CACNA1C: variants seen among roughly 807,000 people sequenced by gnomAD.
The protein encoded by CACNA1C is voltage-dependent L-type calcium channel subunit alpha-1C.
In CACNA1C, 30 loss-of-function variants were observed where a neutral mutation model predicts 229.0. That is an observed-to-expected ratio of 0.13 (90% confidence interval 0.10 to 0.18). The LOEUF is 0.18. Among genes scored for constraint, CACNA1C ranks in the 10% least tolerant of loss-of-function variants. CACNA1C has a pLI of 1.00. For synonymous variants in CACNA1C, 1,114 were observed against 1,132.5 expected, an observed-to-expected ratio of 0.98 and a Z score of 0.33; for missense variants, 1,658 against 2,845.0, an observed-to-expected ratio of 0.58 and a Z score of 9.49.
At chr12:2,688,825 A>G in intron 46 of CACNA1C, 46 bp downstream of exon 46, 6 of 1,399,590 alleles carry the variant, frequency 4.3e-6, no homozygotes, top group South Asian at 2.9e-5. Context: ...ACGGGCAACA[A>G]GGGGACTTGG....
At chr12:2,246,542 A>G (rs1234376391) in intron 3 of CACNA1C, among the ~76,000 whole-genome samples, 1 of 152,054 alleles carries the variant, frequency 6.6e-6, no homozygotes, top group Non-Finnish European at 1.5e-5. Flanking sequence ...TAACTGCTGG[A>G]CCCATGACGA....
At chr12:2,226,840 G>A (rs1171986564) in intron 3 of CACNA1C, among the ~76,000 whole-genome samples, 1 of 152,232 alleles carries the variant, frequency 6.6e-6, no homozygotes, top group African/African-American at 2.4e-5. Flanking sequence ...AAGGGCTCTT[G>A]AAAAATAGCC....
intron 9 of CACNA1C, among the ~76,000 whole-genome samples, chr12:2,533,030 G>A (rs1201384946): frequency 6.6e-6 from 1 of 152,218 alleles, no homozygotes; most frequent in East Asian, 1.9e-4. Flanking sequence ...AGAAATTACA[G>A]AATAGTTCTA....
chr12:2,253,645 A>G (rs1364077686), intron 3 of CACNA1C, among the ~76,000 whole-genome samples: 1 of 152,338 alleles, frequency 6.6e-6, no homozygotes, highest in Non-Finnish European at 1.5e-5. Context: ...CCTTCCTCGC[A>G]GGAGGGTGTT....
intron 3 of CACNA1C, among the ~76,000 whole-genome samples, chr12:2,283,037 A>G (rs1397367919): frequency 6.7e-6 from 1 of 149,714 alleles, no homozygotes; most frequent in East Asian, 1.9e-4. Flanking sequence ...TTTTTTTTAC[A>G]TAAAACAGAG....
At chr12:2,614,211 C>T (rs1258338409) in intron 29 of CACNA1C, 1 of 152,188 alleles carries the variant, frequency 6.6e-6, no homozygotes, top group African/African-American at 2.4e-5. Flanking sequence ...TTCCTCTGTC[C>T]CTGGTTTTCT....
intron 3 of CACNA1C, among the ~76,000 whole-genome samples, chr12:2,314,266 A>G (rs1030265410): frequency 6.6e-6 from 1 of 152,196 alleles, no homozygotes; most frequent in African/African-American, 2.4e-5. Context: ...AGCGGAGGCT[A>G]CCCAGGATAA....
intron 1 of CACNA1C, among the ~76,000 whole-genome samples, chr12:1,994,995 T>G (rs924110548): frequency 1.3e-5 from 2 of 150,418 alleles, no homozygotes; most frequent in African/African-American, 4.9e-5. Flanking sequence ...GGGAGGTTTT[T>G]GTTTTGCAGG....
rs1483101798 is a variant in CACNA1C, at chr12:2,566,407, C to G, written c.1509-15C>G. 6.3e-7 allele frequency: 1 copy of G among 1,578,158 alleles called. No individual in the cohort carries two copies. Among genetic ancestry groups the G allele is most frequent in the Non-Finnish European group, 8.6e-7 (1 of 1,161,616 alleles). On this transcript the variant is annotated splice_polypyrimidine_tract_variant and intron_variant, in intron 11 of 46. Transcript: ENST00000399655. The surrounding 1 kb of genome is among the most constrained non-coding windows in gnomAD (Gnocchi z 4.0). Reference sequence around the variant, plus strand: ...CACAGCCAACCCCACCCTTCTCTCCCTGTCCCCTTTCCAGCCGCTACTGGC... The same window carrying G: ...CACAGCCAACCCCACCCTTCTCTCCGTGTCCCCTTTCCAGCCGCTACTGGC...
At chr12:2,293,772 A>G (rs138561349) in intron 3 of CACNA1C, among the ~76,000 whole-genome samples, 1 of 152,210 alleles carries the variant, frequency 6.6e-6, no homozygotes, top group Admixed American at 6.5e-5. Context: ...AAACCATATT[A>G]TACTCTTATC....
chr12:2,463,162 G>A (rs911913282), intron 5 of CACNA1C, among the ~76,000 whole-genome samples: 12 of 152,158 alleles, frequency 7.9e-5, no homozygotes, highest in Middle Eastern at 3.2e-3. Context: ...GCCCGCCTCA[G>A]CCTCCCAAAG....
chr12:2,292,187 G>T (rs2093583643), intron 3 of CACNA1C, among the ~76,000 whole-genome samples: 1 of 152,212 alleles, frequency 6.6e-6, no homozygotes, highest in African/African-American at 2.4e-5. Flanking sequence ...TCCTTAAGAG[G>T]TTGAGAGTTT....
chr12:2,408,575 G>A (rs939950074), intron 3 of CACNA1C, among the ~76,000 whole-genome samples: 3 of 151,274 alleles, frequency 2.0e-5, no homozygotes, highest in African/African-American at 7.3e-5. Flanking sequence ...TTATTCCTCA[G>A]GTCCTGGGGT....
chr12:2,593,182 G>T (rs748432301), intron 18 of CACNA1C, 31 bp from the exon 19 acceptor site: 1 of 1,603,546 alleles, frequency 6.2e-7, no homozygotes, highest in Admixed American at 1.7e-5. Flanking sequence ...GAGTGCTGGA[G>T]TTATTTAGAA....
At chr12:2,158,530 GA>G (rs959176106) in intron 3 of CACNA1C, among the ~76,000 whole-genome samples, 3 of 150,984 alleles carry the variant, frequency 2.0e-5, no homozygotes, top group African/African-American at 4.9e-5. Context: ...CTGTCTCAAA[GA>G]AAAAAAAAGT....
At chr12:2,244,664 G>C (rs1162592928) in intron 3 of CACNA1C, among the ~76,000 whole-genome samples, 1 of 152,214 alleles carries the variant, frequency 6.6e-6, no homozygotes, top group Non-Finnish European at 1.5e-5. Context: ...CCTTCCTAGA[G>C]CAGAGCCATC....
chr12:2,603,895 A>G (rs1170440639), intron 22 of CACNA1C: 1 of 152,276 alleles, frequency 6.6e-6, no homozygotes, highest in East Asian at 1.9e-4. Context: ...GCTTAGGTTC[A>G]AAAAAGTATG....
intron 3 of CACNA1C, among the ~76,000 whole-genome samples, chr12:2,264,356 T>C (rs1046716127): frequency 1.3e-5 from 2 of 152,174 alleles, no homozygotes; most frequent in African/African-American, 2.4e-5. Context: ...GGAGATGAAA[T>C]TGGCAGATCA....
chr12:2,407,189 C>T (rs1039137058), intron 3 of CACNA1C, among the ~76,000 whole-genome samples: 4 of 152,256 alleles, frequency 2.6e-5, no homozygotes, highest in Non-Finnish European at 5.9e-5. Flanking sequence ...TCCTCTGACA[C>T]CACTTCGGCA....
Sources: allele counts gnomAD v4.1 joint callset (sites outside exome capture counted in the v4.1 genomes callset), GRCh38; gene constraint gnomAD v4.1.1; non-coding constraint Gnocchi (gnomAD v3.1); transcripts MANE v1.5; gene names NCBI Gene and HGNC (gene_info 2026-07-23, HGNC 2026-07-21).